PCNX1: variants seen among roughly 807,000 people sequenced by gnomAD.
PCNX1 encodes the protein pecanex 1, also known as pecanex-like protein 1.
Under a neutral mutation model 242.2 loss-of-function variants are expected in PCNX1, and 78 were observed. That is an observed-to-expected ratio of 0.32 (90% confidence interval 0.27 to 0.39). The LOEUF is 0.39. Among genes scored for constraint, PCNX1 ranks in the 10% least tolerant of loss-of-function variants. The pLI, the probability that PCNX1 is intolerant of heterozygous loss-of-function variation, is 1.00. For synonymous variants in PCNX1, 1,024 were observed against 1,032.9 expected, an observed-to-expected ratio of 0.99 and a Z score of 0.17; for missense variants, 2,581 against 2,856.5, an observed-to-expected ratio of 0.90 and a Z score of 2.20.
At chr14:70,975,635 A>G (rs909744383) in intron 5 of PCNX1, among the ~76,000 whole-genome samples, 4 of 152,158 alleles carry the variant, frequency 2.6e-5, no homozygotes, top group African/African-American at 9.7e-5. Context: ...TGACAAGACA[A>G]TAATTTTTCT....
rs767772167 is a variant in PCNX1, at chr14:71,105,392, T to A, written c.6253T>A (p.Ser2085Thr). ...AAGCATTGGAAATCCTGGGCAGGGATCAGGAACTGGACTCCACCCACCTGT... is the reference window on the plus strand; with the variant it reads ...AAGCATTGGAAATCCTGGGCAGGGAACAGGAACTGGACTCCACCCACCTGT... ...QGSIGNPGQG[S>T]GTGLHPPVTS... The change falls in exon 33 of 36, where the codon TCA becomes ACA. Residue 2085 changes from serine (S) to threonine (T), a missense_variant. By Grantham distance (58) the Ser-to-Thr change is moderately conservative. Coordinates refer to ENST00000304743, the MANE Select transcript of PCNX1 (RefSeq NM_014982.3). 6.2e-7 allele frequency: 1 copy of A among 1,614,026 alleles called. No individual in the cohort carries two copies. Among genetic ancestry groups the A allele is most frequent in the Non-Finnish European group, 8.5e-7 (1 of 1,179,978 alleles).
At chr14:70,955,575 T>C (rs371542157) in intron 2 of PCNX1, among the ~76,000 whole-genome samples, 20 of 152,216 alleles carry the variant, frequency 1.3e-4, no homozygotes, top group African/African-American at 3.9e-4. Flanking sequence ...TTTGTTTTTT[T>C]TCTTAACAGA....
chr14:71,008,735 G>C (rs1325972635), intron 8 of PCNX1, among the ~76,000 whole-genome samples: 1 of 147,518 alleles, frequency 6.8e-6, no homozygotes, highest in African/African-American at 2.5e-5. Context: ...CCTCATAAAT[G>C]CTCAAAAAGC....
intron 30 of PCNX1, chr14:71,093,964 G>A (rs1566797598): frequency 6.6e-6 from 1 of 152,094 alleles, no homozygotes; most frequent in Non-Finnish European, 1.5e-5. Flanking sequence ...AATTGACTAT[G>A]TTATTAGTAA....
In PCNX1 at chr14:71,111,125, G is replaced by A. The variant is rs894189619; in HGVS notation, c.*1190G>A. 1.3e-5 allele frequency: 2 copies of A among 152,292 alleles called. No homozygotes were observed. The highest frequency in any genetic ancestry group is 3.9e-4 in the East Asian group (2 of 5,194). The allele number at this position is 152,292 out of a possible 1,614,324, so 9.4% of individuals were successfully genotyped here. Reference sequence around the variant, plus strand: ...TTCCTGTAATTTATAGTGTGTAGCTGTAAATTGAAATATTTATAACTGTGA... The same window carrying A: ...TTCCTGTAATTTATAGTGTGTAGCTATAAATTGAAATATTTATAACTGTGA... On this transcript the variant is annotated 3_prime_UTR_variant, in exon 36 of 36. Coordinates refer to ENST00000304743, the MANE Select transcript of PCNX1 (RefSeq NM_014982.3).
At chr14:71,036,479 G>A (rs1041840474) in intron 19 of PCNX1, among the ~76,000 whole-genome samples, 1 of 152,136 alleles carries the variant, frequency 6.6e-6, no homozygotes. Flanking sequence ...CACCCAGCCT[G>A]TATATGTTTA....
intron 1 of PCNX1, among the ~76,000 whole-genome samples, chr14:70,944,562 TG>T (rs2057387022): frequency 6.6e-6 from 1 of 152,206 alleles, no homozygotes; most frequent in African/African-American, 2.4e-5. Flanking sequence ...GATAAAACTT[TG>T]GGCTTGGACT....
At position 71,026,804 on chromosome 14, in the gene PCNX1, A is replaced by T; in HGVS notation, c.3388A>T (p.Ile1130Phe). ...FTLCFPIVFFIGLLPQVNTFV... is the reference protein window; with the variant it reads ...FTLCFPIVFFFGLLPQVNTFV... Reference sequence around the variant, plus strand: ...ACTCTGTTTCCCAATAGTGTTTTTCATTGGTCTCCTGCCTCAGGTGAATAC... The same window carrying T: ...ACTCTGTTTCCCAATAGTGTTTTTCTTTGGTCTCCTGCCTCAGGTGAATAC... Residue 1130 changes from isoleucine to phenylalanine, a missense_variant, in exon 15 of 36, where the codon ATT becomes TTT. By Grantham distance (21) the Ile-to-Phe change is conservative. Transcript: ENST00000304743. 6.4e-7 allele frequency: 1 copy of T among 1,560,028 alleles called. No individual in the cohort carries two copies. Among genetic ancestry groups the T allele is most frequent in the Non-Finnish European group, 8.8e-7 (1 of 1,132,538 alleles).
At position 71,051,767 on chromosome 14, in the gene PCNX1, G is replaced by C. The variant is rs185244253; in HGVS notation, c.4448-116G>C. On this transcript the variant is annotated intron_variant, in intron 23 of 35. Transcript: ENST00000304743. ...ATATACCTTCTTTTGTATTCTTCTG[G>C]TGAACCTCAGTTCTCTAATTGAGGT... 16 of 928,374 alleles carry C rather than the reference G, an allele frequency of 1.7e-5. No homozygotes were observed. The African/African-American group carries it at 2.3e-4, about 13-fold the overall frequency. The allele number at this position is 928,374 out of a possible 1,614,324, so 57.5% of individuals were successfully genotyped here. A position where few individuals can be genotyped will look rare whatever the true frequency, so the allele number is the denominator to read the frequency against.
intron 2 of PCNX1, among the ~76,000 whole-genome samples, chr14:70,947,399 C>T (rs1308809731): frequency 2.6e-5 from 4 of 152,118 alleles, no homozygotes; most frequent in South Asian, 4.1e-4. Flanking sequence ...ACAGAGGGAC[C>T]AGCTGAAGCC....
At chr14:70,951,740 C>CT (rs1176043324) in intron 2 of PCNX1, among the ~76,000 whole-genome samples, 3 of 151,862 alleles carry the variant, frequency 2.0e-5, no homozygotes, top group Non-Finnish European at 4.4e-5. Context: ...TTCATGTGTG[C>CT]TTATCCTCCA....
intron 2 of PCNX1, among the ~76,000 whole-genome samples, chr14:70,957,879 G>C (rs377599728): frequency 2.4e-4 from 37 of 152,136 alleles, no homozygotes; most frequent in African/African-American, 8.9e-4. Context: ...GATGAGGGCT[G>C]TCTCTCCTTT....
At chr14:70,908,619 G>A (rs146914484) in intron 1 of PCNX1, among the ~76,000 whole-genome samples, 1 of 152,354 alleles carries the variant, frequency 6.6e-6, no homozygotes, top group Admixed American at 6.5e-5. Flanking sequence ...GAACCCTCCT[G>A]CCTCTAAAAA....
chr14:71,016,402 T>C (rs922416308), intron 11 of PCNX1, among the ~76,000 whole-genome samples: 1 of 152,210 alleles, frequency 6.6e-6, no homozygotes, highest in Non-Finnish European at 1.5e-5. Flanking sequence ...CCAACCTAAA[T>C]TGGTTGCATT....
intron 12 of PCNX1, among the ~76,000 whole-genome samples, chr14:71,019,602 A>G (rs535682883): frequency 1.6e-4 from 24 of 152,206 alleles, no homozygotes; most frequent in South Asian, 6.2e-4. Context: ...GGGTTTCACC[A>G]TGTTGGTCAG....
intron 8 of PCNX1, among the ~76,000 whole-genome samples, 173 bp downstream of exon 8, chr14:70,996,098 TTC>T (rs1301132538): frequency 3.9e-5 from 6 of 152,232 alleles, no homozygotes; most frequent in Non-Finnish European, 8.8e-5. Flanking sequence ...CTTTTTCCTT[TTC>T]TGTTTCTCTC....
Position 71,074,834 on chromosome 14 carries a change from A to G in PCNX1, c.5106+1036A>G, listed in dbSNP as rs562510520. Among the ~76,000 whole-genome samples, 22 of 152,270 alleles carry G rather than the reference A, an allele frequency of 1.4e-4. No individual in the cohort carries two copies. The South Asian group carries it at 4.4e-3, about 30-fold the overall frequency. ...TTGGGCAAGGTTAATCCTTTACTGC[A>G]CAAGATACTCTTATTTTTGCTAAAG... is the stretch of plus-strand genomic sequence containing the variant. On this transcript the variant is annotated intron_variant, in intron 27 of 35. Transcript: ENST00000304743.
In PCNX1 at chr14:71,105,319, T is replaced by C; in HGVS notation, c.6180T>C (p.Gly2060=). ...CTGGAGGTGGGACTTCCTGCACTGGTAACAATGCAACAACTGCCAACAATC... is the reference window on the plus strand; with the variant it reads ...CTGGAGGTGGGACTTCCTGCACTGGCAACAATGCAACAACTGCCAACAATC... ...SDTGGGTSCT[G]NNATTANNPH... is the part of the protein sequence containing the mutation. Residue 2060 remains glycine (G), a synonymous_variant, in exon 33 of 36, where the codon GGT becomes GGC. Coordinates refer to ENST00000304743, the MANE Select transcript of PCNX1 (RefSeq NM_014982.3). 6.2e-7 allele frequency: 1 copy of C among 1,614,008 alleles called. No homozygotes were observed. Among genetic ancestry groups the C allele is most frequent in the Admixed American group, 1.7e-5 (1 of 60,008 alleles).
At chr14:71,050,496 A>G (rs1434373420) in intron 22 of PCNX1, 156 bp from the exon 23 acceptor site, 2 of 187,230 alleles carry the variant, frequency 1.1e-5, no homozygotes, top group Non-Finnish European at 2.0e-5. Context: ...GGCAGTTGAT[A>G]TATCTTTTCC....
Sources: allele counts gnomAD v4.1 joint callset (sites outside exome capture counted in the v4.1 genomes callset), GRCh38; gene constraint gnomAD v4.1.1; transcripts MANE v1.5; gene names NCBI Gene and HGNC (gene_info 2026-07-23, HGNC 2026-07-21).